PREX2: variants seen among roughly 807,000 people sequenced by gnomAD.
PREX2 encodes phosphatidylinositol-3,4,5-trisphosphate dependent Rac exchange factor 2.
Under a neutral mutation model 203.2 loss-of-function variants are expected in PREX2, and 107 were observed. The ratio of observed to expected loss-of-function variants is 0.53; its 90% confidence interval spans 0.45 to 0.62. The LOEUF is 0.62. Among genes scored for constraint, PREX2 ranks in the 20% least tolerant of loss-of-function variants. PREX2 has a pLI of 0.00. For missense variants in PREX2, 1,777 were observed against 1,955.9 expected (o/e 0.91, Z 1.72); for synonymous variants, 672 against 663.6 (o/e 1.01, Z -0.19).
intron 20 of PREX2, among the ~76,000 whole-genome samples, chr8:68,093,358 C>G (rs1809944819): frequency 2.0e-5 from 3 of 146,446 alleles, no homozygotes; most frequent in Admixed American, 6.9e-5. Context: ...CCATTGCACT[C>G]CAGCCTGGGC....
chr8:68,067,293 C>G (rs1004672792), intron 11 of PREX2, among the ~76,000 whole-genome samples: 3 of 152,060 alleles, frequency 2.0e-5, no homozygotes, highest in African/African-American at 7.2e-5. Flanking sequence ...CACATTGAAT[C>G]TGTAGACAGC....
chr8:68,044,680 C>T, intron 8 of PREX2, 90 bp downstream of exon 8: 1 of 900,728 alleles, frequency 1.1e-6, no homozygotes, highest in Non-Finnish European at 1.8e-6. Context: ...AATTCACCTG[C>T]CATGTATTAG....
At chr8:68,009,617 T>G (rs960789823) in intron 1 of PREX2, among the ~76,000 whole-genome samples, 2 of 152,234 alleles carry the variant, frequency 1.3e-5, no homozygotes, top group African/African-American at 4.8e-5. Context: ...CATACTTTTA[T>G]ATGAAATGAT....
chr8:68,103,558 A>C, intron 23 of PREX2: 1 of 518,848 alleles, frequency 1.9e-6, no homozygotes, highest in Non-Finnish European at 3.8e-6. Context: ...CCTTTCTTTG[A>C]TCTTTCTCCT....
chr8:68,193,371 G>A (rs1812334406), intron 37 of PREX2, among the ~76,000 whole-genome samples: 1 of 152,102 alleles, frequency 6.6e-6, no homozygotes, highest in African/African-American at 2.4e-5. Context: ...ATGCAGTTTT[G>A]TTACATAGGT....
chr8:68,012,755 G>A (rs1807302044), intron 1 of PREX2, among the ~76,000 whole-genome samples: 1 of 152,180 alleles, frequency 6.6e-6, no homozygotes, highest in Non-Finnish European at 1.5e-5. Flanking sequence ...CTCATATTCT[G>A]TAGGAACAAA....
At chr8:68,226,875 C>T (rs150791445) in intron 39 of PREX2, among the ~76,000 whole-genome samples, 122 of 152,294 alleles carry the variant, frequency 8.0e-4, no homozygotes, top group African/African-American at 2.9e-3. Flanking sequence ...TACTCCTGGG[C>T]CTGTCAGCAT....
chr8:67,982,601 A>T (rs1806304261), intron 1 of PREX2, among the ~76,000 whole-genome samples: 1 of 152,272 alleles, frequency 6.6e-6, no homozygotes, highest in Admixed American at 6.5e-5. Flanking sequence ...AAATATATGT[A>T]TTTCATTTGG....
At chr8:68,142,781 G>C (rs1372293613) in intron 33 of PREX2, among the ~76,000 whole-genome samples, 1 of 152,194 alleles carries the variant, frequency 6.6e-6, no homozygotes, top group Non-Finnish European at 1.5e-5. Flanking sequence ...AACCACTTTA[G>C]TGATAAGGAA....
At chr8:68,201,650 C>T (rs1812505216) in intron 37 of PREX2, among the ~76,000 whole-genome samples, 1 of 151,682 alleles carries the variant, frequency 6.6e-6, no homozygotes, top group Non-Finnish European at 1.5e-5. Flanking sequence ...ATCTGCCTTT[C>T]CCAGTCCACT....
chr8:68,079,463 A>G (rs1809447749), intron 15 of PREX2, among the ~76,000 whole-genome samples: 1 of 152,212 alleles, frequency 6.6e-6, no homozygotes, highest in South Asian at 2.1e-4. Context: ...CACTTTACAG[A>G]TGAGGAAACT....
At chr8:68,139,187 A>G (rs1195778788) in intron 33 of PREX2, among the ~76,000 whole-genome samples, 1 of 152,226 alleles carries the variant, frequency 6.6e-6, no homozygotes, top group African/African-American at 2.4e-5. Flanking sequence ...TGAAAGATAT[A>G]TAGGGAAACA....
intron 37 of PREX2, among the ~76,000 whole-genome samples, chr8:68,194,497 T>C (rs1349082355): frequency 2.0e-5 from 3 of 151,820 alleles, no homozygotes; most frequent in Non-Finnish European, 2.9e-5. Context: ...TGGTATAAAA[T>C]GAAGGAGTGG....
At chr8:68,095,938 A>G (rs1810057625) in intron 21 of PREX2, among the ~76,000 whole-genome samples, 1 of 152,072 alleles carries the variant, frequency 6.6e-6, no homozygotes, top group South Asian at 2.1e-4. Flanking sequence ...CATGGCGCCT[A>G]GCCTGTATTT....
intron 1 of PREX2, among the ~76,000 whole-genome samples, chr8:68,007,378 G>T (rs915009970): frequency 1.3e-5 from 2 of 152,042 alleles, no homozygotes; most frequent in African/African-American, 4.8e-5. Flanking sequence ...GTTCAAAAAT[G>T]TTTTACATAT....
chr8:68,057,144 G>A (rs908075546), intron 10 of PREX2, among the ~76,000 whole-genome samples: 2 of 152,096 alleles, frequency 1.3e-5, no homozygotes, highest in Admixed American at 1.3e-4. Context: ...TCTCATGATG[G>A]TGAGTGAATT....
intron 8 of PREX2, among the ~76,000 whole-genome samples, chr8:68,050,420 G>A (rs537348369): frequency 7.2e-5 from 11 of 152,192 alleles, no homozygotes; most frequent in East Asian, 3.9e-4. Flanking sequence ...GCATGAGAGA[G>A]GGGTGGGGGA....
chr8:68,095,433 A>G (rs1366000264), intron 21 of PREX2, among the ~76,000 whole-genome samples: 1 of 152,078 alleles, frequency 6.6e-6, no homozygotes, highest in East Asian at 1.9e-4. Context: ...AACAAAAGAC[A>G]TTCCTGTCAC....
intron 4 of PREX2, among the ~76,000 whole-genome samples, chr8:68,024,535 G>A (rs1807659550): frequency 6.6e-6 from 1 of 151,598 alleles, no homozygotes; most frequent in South Asian, 2.1e-4. Flanking sequence ...TTACTTACAA[G>A]CTATTTATGA....
Sources: allele counts gnomAD v4.1 joint callset (sites outside exome capture counted in the v4.1 genomes callset), GRCh38; gene constraint gnomAD v4.1.1; transcripts MANE v1.5; gene names NCBI Gene and HGNC (gene_info 2026-07-23, HGNC 2026-07-21).